The following KIF22 variants were observed in gnomAD, a reference collection of about 807,000 sequenced individuals.
KIF22 encodes the protein kinesin family member 22.
In KIF22, 62 loss-of-function variants were observed where a neutral mutation model predicts 73.0. The observed-to-expected ratio is 0.85, with a 90% CI of 0.69 to 1.05. The LOEUF is 1.05. KIF22 is among the 50% of genes least tolerant of loss of function. The pLI, the probability that KIF22 is intolerant of heterozygous loss-of-function variation, is 0.00. For synonymous variants in KIF22, 411 were observed against 340.1 expected (o/e 1.21, Z -2.29); for missense variants, 854 against 870.1 (o/e 0.98, Z 0.23).
rs141032049 is a variant in KIF22, at chr16:29,799,453, C to T, written c.949C>T (p.Arg317Cys). 1.6e-5 allele frequency: 26 copies of T among 1,614,052 alleles called. No individual in the cohort carries two copies. Among genetic ancestry groups the T allele is most frequent in the Non-Finnish European group, 2.1e-5 (25 of 1,180,044 alleles). ...AGATGCGCTGAATCAGGGCCTCCCT[C>T]GTGTACCTTATCGGGACAGCAAGCT... is the stretch of plus-strand genomic sequence containing the variant. ...VVDALNQGLPRVPYRDSKLTR... is the reference protein window; with the variant it reads ...VVDALNQGLPCVPYRDSKLTR... The change falls in exon 6 of 14, where the codon CGT (arginine) becomes TGT (cysteine). Residue 317 changes from arginine (R) to cysteine (C), a missense_variant. Around this residue, in one of 3 missense-constraint regions of KIF22, gnomAD observed 245 missense variants for 351.8 expected, o/e 0.70. Transcript: ENST00000160827.
intron 11 of KIF22, chr16:29,804,382 T>C (rs1352702393): frequency 3.3e-6 from 2 of 606,048 alleles, no homozygotes; most frequent in African/African-American, 1.8e-5. Flanking sequence ...ACCACACATA[T>C]GCACATACCC....
intron 1 of KIF22, among the ~76,000 whole-genome samples, chr16:29,793,957 AG>A (rs1898888038): frequency 6.6e-6 from 1 of 152,152 alleles, no homozygotes; most frequent in African/African-American, 2.4e-5. Context: ...ATCTAGCACT[AG>A]GGAAGTCATG....
chr16:29,803,743 T>C (rs1383821908), intron 10 of KIF22, 135 bp downstream of exon 10: 7 of 807,622 alleles, frequency 8.7e-6, no homozygotes, highest in Non-Finnish European at 1.4e-5. Context: ...GAGGAGGCTC[T>C]GAGGCAGTGC....
intron 1 of KIF22, among the ~76,000 whole-genome samples, chr16:29,793,072 G>T (rs1166677404): frequency 1.3e-5 from 2 of 152,178 alleles, no homozygotes; most frequent in African/African-American, 2.4e-5. Flanking sequence ...TTTGGGGTTG[G>T]TGCCATTCAT....
In KIF22 at chr16:29,797,812, C is replaced by A. The variant is rs1417083037; in HGVS notation, c.267-562C>A. ...CATTCCCTCAATATATATTAAACTC[C>A]CTGCTGTGGCCTAAGCTGCACTTCT... On this transcript the variant is annotated intron_variant, in intron 2 of 13. Transcript: ENST00000160827. The surrounding 1 kb of genome is among the most constrained non-coding windows in gnomAD (Gnocchi z 4.1). Among the ~76,000 whole-genome samples, 1 of 152,126 alleles carries A rather than the reference C, an allele frequency of 6.6e-6. No individual in the cohort carries two copies. The highest frequency in any genetic ancestry group is 2.4e-5 in the African/African-American group (1 of 41,392).
intron 12 of KIF22, 36 bp from the exon 13 acceptor site, chr16:29,805,079 C>T: frequency 6.2e-7 from 1 of 1,613,268 alleles, no homozygotes; most frequent in South Asian, 1.1e-5. Context: ...CCGGGTACCC[C>T]CGAGACCCTG....
Position 29,800,202 on chromosome 16 carries a change from C to G in KIF22, c.1280+154C>G, listed in dbSNP as rs1899090725. 3.4e-6 allele frequency: 3 copies of G among 875,786 alleles called. No individual in the cohort carries two copies. In the South Asian group the frequency reaches 5.6e-5, roughly 16 times the overall value. The allele number at this position is 875,786 out of a possible 1,614,324, so 54.3% of individuals were successfully genotyped here. On this transcript the variant is annotated intron_variant, in intron 8 of 13. Coordinates refer to ENST00000160827, the MANE Select transcript of KIF22 (RefSeq NM_007317.3). ...GGATGCGGTGGCTCACTCCTGTAACCCCAGCACTTTGGGAGACTGAGGTTG... is the reference window on the plus strand; with the variant it reads ...GGATGCGGTGGCTCACTCCTGTAACGCCAGCACTTTGGGAGACTGAGGTTG...
Position 29,799,741 on chromosome 16 carries a change from G to T in KIF22, c.1104G>T (p.Val368=). 6.2e-7 allele frequency: 1 copy of T among 1,613,236 alleles called. No homozygotes were observed. The highest frequency in any genetic ancestry group is 1.1e-5 in the South Asian group (1 of 90,892). Residue 368 remains valine (V), a synonymous_variant, in exon 7 of 14, where the codon GTG becomes GTT. Transcript: ENST00000160827. ...ALNFAARSKE[V]INRPFTNESL... is the part of the protein sequence containing the mutation. Reference sequence around the variant, plus strand: ...ACTTTGCTGCCAGGTCCAAGGAGGTGATCAATCGGCCTTTTACCAATGAGA... The same window carrying T: ...ACTTTGCTGCCAGGTCCAAGGAGGTTATCAATCGGCCTTTTACCAATGAGA...
intron 6 of KIF22, 30 bp from the exon 7 acceptor site, chr16:29,799,598 G>C: frequency 1.2e-6 from 2 of 1,613,518 alleles, no homozygotes; most frequent in Non-Finnish European, 1.7e-6. Context: ...CTGGGCTTCT[G>C]ACCCACCCAC....
chr16:29,795,991 C>T (rs1898939528), intron 1 of KIF22, among the ~76,000 whole-genome samples: 1 of 152,020 alleles, frequency 6.6e-6, no homozygotes, highest in Non-Finnish European at 1.5e-5. Flanking sequence ...GAGGTACAGG[C>T]TGGGCAGGGT....
At chr16:29,803,712 A>G (rs1448512204) in intron 10 of KIF22, 104 bp downstream of exon 10, 2 of 986,944 alleles carry the variant, frequency 2.0e-6, no homozygotes, top group East Asian at 2.6e-5. Context: ...CTCCCACCAC[A>G]TACCAGTCCC....
At position 29,804,876 on chromosome 16, in the gene KIF22, C is replaced by A. The variant is rs1434924288; in HGVS notation, c.1740C>A (p.Ile580=). 1.9e-6 allele frequency: 3 copies of A among 1,613,928 alleles called. No homozygotes were observed. Among genetic ancestry groups the A allele is most frequent in the East Asian group, 2.2e-5 (1 of 44,890 alleles). ...EKAEDCWELQ[I]SPELLAHGRQ... ...CTGAGGACTGCTGGGAGCTACAGATCAGCCCGGAGCTACTGGCTCATGGGC... is the reference window on the plus strand; with the variant it reads ...CTGAGGACTGCTGGGAGCTACAGATAAGCCCGGAGCTACTGGCTCATGGGC... Residue 580 remains isoleucine, a synonymous_variant, in exon 12 of 14, where the codon ATC becomes ATA. Coordinates refer to ENST00000160827, the MANE Select transcript of KIF22 (RefSeq NM_007317.3).
Position 29,798,246 on chromosome 16 carries a change from G to A in KIF22, c.267-128G>A, listed in dbSNP as rs1379705993. ...TTTGTACAAGAAAGGGGATAGAGAC[G>A]TTCTCTTAAATCCAAGGTCCAGATG... is the stretch of plus-strand genomic sequence containing the variant. On this transcript the variant is annotated intron_variant, in intron 2 of 13. Coordinates refer to ENST00000160827, the MANE Select transcript of KIF22 (RefSeq NM_007317.3). This position sits in a 1 kb window ranked among gnomAD's most constrained non-coding sequence, Gnocchi z 4.1. 1.0e-5 allele frequency: 15 copies of A among 1,479,980 alleles called. No homozygotes were observed. In the African/African-American group the frequency reaches 1.1e-4, roughly 11 times the overall value. The allele number at this position is 1,479,980 out of a possible 1,614,324, so 91.7% of individuals were successfully genotyped here.
At chr16:29,795,516 G>T (rs946837907) in intron 1 of KIF22, among the ~76,000 whole-genome samples, 15 of 152,138 alleles carry the variant, frequency 9.9e-5, no homozygotes, top group Non-Finnish European at 1.9e-4. Flanking sequence ...GGAAAGAGCT[G>T]CCAGGAGCTT....
At chr16:29,802,267 C>CAAAAA (rs71389599) in intron 8 of KIF22, among the ~76,000 whole-genome samples, 22 of 33,836 alleles carry the variant, frequency 6.5e-4, no homozygotes, top group Non-Finnish European at 6.4e-4. Context: ...GACCCTGTCT[C>CAAAAA]AAAAAAAAAA....
At chr16:29,800,232 G>A (rs928299659) in intron 8 of KIF22, 184 bp downstream of exon 8, 43 of 605,368 alleles carry the variant, frequency 7.1e-5, no homozygotes, top group South Asian at 1.9e-4. Context: ...AGGTTGGGTG[G>A]ATCACCTGAG....
At chr16:29,791,612 C>T (rs370158738) in intron 1 of KIF22, among the ~76,000 whole-genome samples, 3 of 152,318 alleles carry the variant, frequency 2.0e-5, no homozygotes, top group East Asian at 1.9e-4. Context: ...AGAGCTCTTG[C>T]TATGTGCCAG....
rs1899001522 is a variant in KIF22, at chr16:29,798,238, A to C, written c.267-136A>C. The C allele has an allele frequency of 8.9e-6, 13 of 1,457,728 alleles. No homozygotes were observed. The highest frequency in any genetic ancestry group is 1.2e-5 in the Non-Finnish European group (13 of 1,103,376). The allele number at this position is 1,457,728 out of a possible 1,614,324, so 90.3% of individuals were successfully genotyped here. A position where few individuals can be genotyped will look rare whatever the true frequency, so the allele number is the denominator to read the frequency against. ...TTAAGGTCTTTGTACAAGAAAGGGG[A>C]TAGAGACGTTCTCTTAAATCCAAGG... On this transcript the variant is annotated intron_variant, in intron 2 of 13. Transcript: ENST00000160827. The surrounding 1 kb of genome is among the most constrained non-coding windows in gnomAD (Gnocchi z 4.1).
chr16:29,804,650 GA>G lies in KIF22; in HGVS notation c.1678-162del, dbSNP rs1169873232. On this transcript the variant is annotated intron_variant, in intron 11 of 13. Transcript: ENST00000160827. ...CTCTCTTTCACTAGTTGCATAATAA[GA>G]ATTAACCCAGAGAGTGACCTGAGGG... The G allele has an allele frequency of 2.8e-6, 2 of 705,394 alleles. 1 individual carries two copies. The highest frequency in any genetic ancestry group is 5.1e-6 in the Non-Finnish European group (2 of 388,856). 43.7% of individuals were successfully genotyped at this position (705,394 alleles called of 1,614,324 possible).
Sources: gnomAD v4.1 joint callset for allele counts (sites outside exome capture counted in the v4.1 genomes callset) on GRCh38, gnomAD v4.1.1 for gene constraint, gnomAD v4.1.1 regional missense constraint, Gnocchi (gnomAD v3.1) non-coding constraint, MANE v1.5 for transcripts, NCBI Gene and HGNC (gene_info 2026-07-23, HGNC 2026-07-21) for gene names.